Variants in FRMD6 observed in about 807,000 individuals in gnomAD.
The protein encoded by FRMD6 is FERM domain containing 6, also known as FERM domain-containing protein 6.
In FRMD6, 37 loss-of-function variants were observed where a neutral mutation model predicts 73.2. The ratio of observed to expected loss-of-function variants is 0.51; its 90% confidence interval spans 0.39 to 0.66. The LOEUF (loss-of-function observed/expected upper bound fraction) is 0.66. Among genes scored for constraint, FRMD6 ranks in the 30% least tolerant of loss-of-function variants. FRMD6 has a pLI of 0.00. For synonymous variants in FRMD6, 273 were observed against 282.2 expected (o/e 0.97, Z 0.33); for missense variants, 714 against 780.5 (o/e 0.91, Z 1.02).
chr14:51,693,443 A>G (rs1428340183), intron 2 of FRMD6, among the ~76,000 whole-genome samples: 1 of 152,150 alleles, frequency 6.6e-6, no homozygotes, highest in Non-Finnish European at 1.5e-5. Flanking sequence ...TTTTGGAGTC[A>G]CAGGTACCTG....
intron 7 of FRMD6, among the ~76,000 whole-genome samples, chr14:51,710,697 C>G (rs1896894115): frequency 6.6e-6 from 1 of 152,262 alleles, no homozygotes; most frequent in East Asian, 1.9e-4. Flanking sequence ...AAGATCTCTG[C>G]ATACTCATTG....
At chr14:51,413,511 A>G in the FRMD6 span, among the ~76,000 whole-genome samples, 1 of 152,206 alleles carries the variant, frequency 6.6e-6, no homozygotes, top group Non-Finnish European at 1.5e-5. Flanking sequence ...ATGGCTGCAT[A>G]GTATTCCATG....
intron 1 of FRMD6, among the ~76,000 whole-genome samples, chr14:51,555,513 A>T (rs1257761492): frequency 2.0e-5 from 3 of 152,076 alleles, no homozygotes; most frequent in Non-Finnish European, 4.4e-5. Context: ...TTAAAAAGGC[A>T]CCCCATAGGT....
At chr14:51,432,690 G>A in the FRMD6 span, among the ~76,000 whole-genome samples, 1 of 152,158 alleles carries the variant, frequency 6.6e-6, no homozygotes. Context: ...TGAATACTCA[G>A]ACCATTGAGC....
At chr14:51,439,360 G>A in the FRMD6 span, among the ~76,000 whole-genome samples, 16 of 152,214 alleles carry the variant, frequency 1.1e-4, no homozygotes, top group African/African-American at 1.9e-4. Context: ...TCCTCACCTG[G>A]TGAAGCACAG....
rs1594662012 is a variant in FRMD6, at chr14:51,652,714, G to C, written c.-147+718G>C. 3.9e-5 allele frequency among the ~76,000 whole-genome samples: 6 copies of C among 152,342 alleles called. No homozygotes were observed. In the Middle Eastern group the frequency reaches 0.017, roughly 432 times the overall value. On this transcript the variant is annotated intron_variant, in intron 1 of 13. Transcript: ENST00000344768. ...GCCTGCAGAATTTGGGTTTCTGGAG[G>C]AGCTTACGGCGCGCTGGCGGAGCCC... is the stretch of plus-strand genomic sequence containing the variant.
At chr14:51,568,195 C>G (rs1464706257) in intron 1 of FRMD6, among the ~76,000 whole-genome samples, 2 of 152,232 alleles carry the variant, frequency 1.3e-5, no homozygotes, top group African/African-American at 4.8e-5. Flanking sequence ...TCCTTACAAG[C>G]CTTGACTGTG....
At chr14:51,435,957 T>TA in the FRMD6 span, 15,216 of 158,192 alleles carry the variant, frequency 0.096, 887 homozygotes, top group Non-Finnish European at 0.13. Flanking sequence ...AAAATGCTCT[T>TA]AAAAAATGAC....
At chr14:51,721,868 G>A (rs1011563110) in intron 11 of FRMD6, 81 bp from the exon 12 acceptor site, 2 of 1,506,338 alleles carry the variant, frequency 1.3e-6, no homozygotes, top group Non-Finnish European at 1.8e-6. Context: ...TAATTACATA[G>A]CCACCCTCAA....
intron 2 of FRMD6, among the ~76,000 whole-genome samples, chr14:51,611,440 A>G (rs1157187412): frequency 6.6e-6 from 1 of 152,186 alleles, no homozygotes; most frequent in East Asian, 1.9e-4. Context: ...AGACTGATGC[A>G]TGGGTCCCAC....
chr14:51,431,941 G>A, the FRMD6 span, among the ~76,000 whole-genome samples: 1 of 152,150 alleles, frequency 6.6e-6, no homozygotes, highest in East Asian at 1.9e-4. Flanking sequence ...AGCTGTGTGA[G>A]CTAAATAAGG....
chr14:51,543,329 T>C (rs1886297740), intron 1 of FRMD6, among the ~76,000 whole-genome samples: 3 of 152,014 alleles, frequency 2.0e-5, no homozygotes, highest in Admixed American at 2.0e-4. Context: ...TAAAAGATAC[T>C]TTTTATTAGC....
chr14:51,430,615 A>G, the FRMD6 span, among the ~76,000 whole-genome samples: 1 of 151,850 alleles, frequency 6.6e-6, no homozygotes, highest in African/African-American at 2.4e-5. Context: ...AAAAAAAACA[A>G]AAAACAACAA....
At chr14:51,548,056 T>C (rs1479154567) in intron 1 of FRMD6, among the ~76,000 whole-genome samples, 1 of 152,164 alleles carries the variant, frequency 6.6e-6, no homozygotes, top group Non-Finnish European at 1.5e-5. Flanking sequence ...TGTGCCCGCA[T>C]CAAGCAGTGG....
At chr14:51,555,023 C>T (rs1596589137) in intron 1 of FRMD6, among the ~76,000 whole-genome samples, 1 of 152,150 alleles carries the variant, frequency 6.6e-6, no homozygotes, top group Admixed American at 6.6e-5. Flanking sequence ...AAGAGCCATC[C>T]TGGCCTGCAC....
intron 1 of FRMD6, among the ~76,000 whole-genome samples, chr14:51,544,470 G>T (rs1208519998): frequency 6.6e-6 from 1 of 151,954 alleles, no homozygotes; most frequent in African/African-American, 2.4e-5. Flanking sequence ...TAATAGGGAA[G>T]TTTCTACTTT....
intron 1 of FRMD6, among the ~76,000 whole-genome samples, chr14:51,545,632 G>A (rs540361100): frequency 6.6e-6 from 1 of 152,068 alleles, no homozygotes; most frequent in African/African-American, 2.4e-5. Context: ...TCCCGGGTAA[G>A]TTTAAGGATA....
At chr14:51,405,317 G>A in the FRMD6 span, among the ~76,000 whole-genome samples, 2 of 152,124 alleles carry the variant, frequency 1.3e-5, no homozygotes, top group African/African-American at 4.8e-5. Context: ...GGGTCTAATG[G>A]TAGTTTTGTT....
At chr14:51,575,000 G>C (rs1382527234) in intron 2 of FRMD6, among the ~76,000 whole-genome samples, 2 of 152,112 alleles carry the variant, frequency 1.3e-5, no homozygotes, top group Admixed American at 1.3e-4. Context: ...TTTTTAAAAG[G>C]ATAATAAAGA....
Sources: gnomAD v4.1 joint callset for allele counts (sites outside exome capture counted in the v4.1 genomes callset) on GRCh38, gnomAD v4.1.1 for gene constraint, MANE v1.5 for transcripts, NCBI Gene and HGNC (gene_info 2026-07-23, HGNC 2026-07-21) for gene names.